CD38: variants seen among roughly 807,000 people sequenced by gnomAD.
The protein encoded by CD38 is ADP-ribosyl cyclase/cyclic ADP-ribose hydrolase 1.
Under a neutral mutation model 36.3 loss-of-function variants are expected in CD38, and 31 were observed. The observed-to-expected ratio is 0.85, with a 90% CI of 0.64 to 1.15. The LOEUF is 1.15. CD38 is among the 50% of genes most tolerant of loss of function. CD38 has a pLI of 0.00. For synonymous variants in CD38, 131 were observed against 135.2 expected (o/e 0.97, Z 0.22); for missense variants, 380 against 371.9 (o/e 1.02, Z -0.18).
At chr4:15,818,145 T>G (rs1723643235) in intron 2 of CD38, among the ~76,000 whole-genome samples, 1 of 92,588 alleles carries the variant, frequency 1.1e-5, no homozygotes, top group Admixed American at 1.2e-4. Context: ...GAAGTTGACC[T>G]GGGATGATGG....
intron 1 of CD38, among the ~76,000 whole-genome samples, chr4:15,785,539 CTTTTTT>C (rs34989864): frequency 2.7e-5 from 4 of 147,802 alleles, no homozygotes; most frequent in Non-Finnish European, 4.5e-5. Flanking sequence ...CGTTCCTTTT[CTTTTTT>C]TTTTTATCAC....
chr4:15,785,082 G>A (rs1722783545), intron 1 of CD38, among the ~76,000 whole-genome samples: 1 of 151,816 alleles, frequency 6.6e-6, no homozygotes, highest in South Asian at 2.1e-4. Flanking sequence ...AGGTGCACCT[G>A]AGACAGATTG....
intron 5 of CD38, 97 bp downstream of exon 5, chr4:15,838,262 G>A (rs1724114396): frequency 9.7e-7 from 1 of 1,034,086 alleles, no homozygotes; most frequent in African/African-American, 1.6e-5. Flanking sequence ...CATGTTTCAG[G>A]TCAGTTCTGA....
At chr4:15,840,781 C>T (rs1445533558) in intron 7 of CD38, among the ~76,000 whole-genome samples, 1 of 152,186 alleles carries the variant, frequency 6.6e-6, no homozygotes, top group East Asian at 1.9e-4. Flanking sequence ...CCAAGTAGGA[C>T]TTGCCTCTAA....
At position 15,834,299 on chromosome 4, in the gene CD38, C is replaced by G. The variant is rs750315464; in HGVS notation, c.582C>G (p.Arg194=). The G allele has an allele frequency of 6.2e-7, 1 of 1,601,490 alleles. No homozygotes were observed. The highest frequency in any genetic ancestry group is 8.6e-7 in the Non-Finnish European group (1 of 1,168,394). The change falls in exon 4 of 8, where the codon CGC becomes CGG. Residue 194 remains arginine (R), a synonymous_variant. Transcript: ENST00000226279. ...CAGTATTCTGGAAAACGGTTTCCCG[C>G]AGGGTAAGTACCAAGTAGTGAAATT... is the stretch of plus-strand genomic sequence containing the variant. ...PVSVFWKTVS[R]RFAEAACDVV...
intron 1 of CD38, among the ~76,000 whole-genome samples, chr4:15,801,571 A>G (rs1723223203): frequency 6.6e-6 from 1 of 152,182 alleles, no homozygotes; most frequent in African/African-American, 2.4e-5. Flanking sequence ...TGAATCCAAC[A>G]GCACATTAAT....
At chr4:15,780,735 G>C (rs956521828) in intron 1 of CD38, among the ~76,000 whole-genome samples, 13 of 152,108 alleles carry the variant, frequency 8.5e-5, no homozygotes, top group Non-Finnish European at 1.6e-4. Context: ...GCATGGAAAT[G>C]TTTGCTCTTG....
chr4:15,832,204 T>C (rs1316706276), intron 3 of CD38, among the ~76,000 whole-genome samples: 1 of 152,240 alleles, frequency 6.6e-6, no homozygotes, highest in Non-Finnish European at 1.5e-5. Context: ...TCTTTCAGTT[T>C]CCTCAACATG....
intron 7 of CD38, among the ~76,000 whole-genome samples, chr4:15,848,124 G>C (rs1724303075): frequency 6.6e-6 from 1 of 152,184 alleles, no homozygotes; most frequent in African/African-American, 2.4e-5. Context: ...ATTGGATCCT[G>C]TTGCTTTAGC....
At chr4:15,813,277 T>C (rs1320047141) in intron 1 of CD38, among the ~76,000 whole-genome samples, 1 of 151,552 alleles carries the variant, frequency 6.6e-6, no homozygotes, top group Non-Finnish European at 1.5e-5. Context: ...TTTTATCAGG[T>C]TGAGGAAATT....
At chr4:15,847,568 T>TAAAAAAAAAAAA (rs1560322259) in intron 7 of CD38, among the ~76,000 whole-genome samples, 1 of 45,594 alleles carries the variant, frequency 2.2e-5, no homozygotes, top group African/African-American at 7.6e-5. Context: ...ATAAAAAAAA[T>TAAAAAAAAAAAA]AAAAAATAAA....
chr4:15,792,015 G>A (rs1158460366), intron 1 of CD38, among the ~76,000 whole-genome samples: 4 of 60,522 alleles, frequency 6.6e-5, no homozygotes, highest in East Asian at 3.3e-4. Context: ...TTGAGAAATC[G>A]GATGGTTGCC....
At chr4:15,779,509 A>AG (rs544899692) in intron 1 of CD38, among the ~76,000 whole-genome samples, 3 of 152,202 alleles carry the variant, frequency 2.0e-5, no homozygotes, top group African/African-American at 7.2e-5. Flanking sequence ...GAAGGCAGGC[A>AG]GGGGGAGCTG....
chr4:15,796,207 G>T (rs1464214037), intron 1 of CD38, among the ~76,000 whole-genome samples: 1 of 152,124 alleles, frequency 6.6e-6, no homozygotes, highest in Non-Finnish European at 1.5e-5. Context: ...TTAGTTAGTT[G>T]TTCACGTTTT....
At chr4:15,794,874 GTAAA>G (rs1231222147) in intron 1 of CD38, among the ~76,000 whole-genome samples, 3 of 152,070 alleles carry the variant, frequency 2.0e-5, no homozygotes, top group East Asian at 1.9e-4. Flanking sequence ...TTATAAATAG[GTAAA>G]TAAATAACAA....
At position 15,848,713 on chromosome 4, in the gene CD38, A is replaced by G. The variant is rs1377366770; in HGVS notation, c.*111A>G. On this transcript the variant is annotated 3_prime_UTR_variant, in exon 8 of 8. Coordinates refer to ENST00000226279, the MANE Select transcript of CD38 (RefSeq NM_001775.4). Reference sequence around the variant, plus strand: ...TGAAGATTTTGGAGGGTCCTCCACAATAAGGTCAATGCCAGAGACGGAAGC... The same window carrying G: ...TGAAGATTTTGGAGGGTCCTCCACAGTAAGGTCAATGCCAGAGACGGAAGC... 2.1e-5 allele frequency: 16 copies of G among 756,228 alleles called. No individual in the cohort carries two copies. The highest frequency in any genetic ancestry group is 2.3e-6 in the Non-Finnish European group (1 of 443,204). The allele number at this position is 756,228 out of a possible 1,614,324, so 46.8% of individuals were successfully genotyped here.
At chr4:15,815,898 G>GT (rs1723584955) in intron 1 of CD38, among the ~76,000 whole-genome samples, 1 of 152,160 alleles carries the variant, frequency 6.6e-6, no homozygotes, top group Non-Finnish European at 1.5e-5. Context: ...TGGGCTATGG[G>GT]TTTTTCAGAA....
At position 15,804,682 on chromosome 4, in the gene CD38, T is replaced by C. The variant is rs201050204; in HGVS notation, c.234-11829T>C. 2.6e-5 allele frequency among the ~76,000 whole-genome samples: 4 copies of C among 152,144 alleles called. No individual in the cohort carries two copies. In the East Asian group the frequency reaches 7.7e-4, roughly 29 times the overall value. ...TAAGCCAGGCACAGAAAGACAAGTT[T>C]CATATATTCTCACTTACATGTGGGA... On this transcript the variant is annotated intron_variant, in intron 1 of 7. Coordinates refer to ENST00000226279, the MANE Select transcript of CD38 (RefSeq NM_001775.4).
At chr4:15,823,568 A>G (rs914597581) in intron 2 of CD38, among the ~76,000 whole-genome samples, 1 of 152,248 alleles carries the variant, frequency 6.6e-6, no homozygotes, top group African/African-American at 2.4e-5. Flanking sequence ...CAAACATATG[A>G]AAAAAAGCTC....
Sources: allele counts gnomAD v4.1 joint callset (sites outside exome capture counted in the v4.1 genomes callset), GRCh38; gene constraint gnomAD v4.1.1; transcripts MANE v1.5; gene names NCBI Gene and HGNC (gene_info 2026-07-23, HGNC 2026-07-21).